ALDH1A3: variants seen among roughly 807,000 people sequenced by gnomAD.
The protein encoded by ALDH1A3 is retinaldehyde dehydrogenase 3.
A neutral mutation model predicts 57.5 loss-of-function variants in ALDH1A3; 28 were observed. The ratio of observed to expected loss-of-function variants is 0.49; its 90% CI spans 0.36 to 0.67. ALDH1A3 has a LOEUF of 0.67. Ranked by LOEUF, ALDH1A3 falls within the 30% of genes least tolerant of loss-of-function variation. The probability of loss-of-function intolerance (pLI) is 0.00; values close to 1 mark genes in which losing one functional copy is unlikely to be tolerated. For missense variants in ALDH1A3, 507 were observed against 669.4 expected, an observed-to-expected ratio of 0.76 and a Z score of 2.68; for synonymous variants, 281 against 264.8, an observed-to-expected ratio of 1.06 and a Z score of -0.59.
At chr15:100,907,848 T>TC (rs2041839363) in intron 11 of ALDH1A3, among the ~76,000 whole-genome samples, 4 of 129,776 alleles carry the variant, frequency 3.1e-5, no homozygotes, top group African/African-American at 1.1e-4. Flanking sequence ...TTCTTTCTTT[T>TC]TTTTTTTTTT....
At position 100,894,404 on chromosome 15, in the gene ALDH1A3, T is replaced by C. The variant is rs1371432415; in HGVS notation, c.666+322T>C. 2 of 253,410 alleles carry C rather than the reference T, an allele frequency of 7.9e-6. No homozygotes were observed. The highest frequency in any genetic ancestry group is 7.7e-6 in the Non-Finnish European group (1 of 130,470). 15.7% of individuals were successfully genotyped at this position (253,410 alleles called of 1,614,324 possible). On this transcript the variant is annotated intron_variant, in intron 6 of 12. Coordinates refer to ENST00000329841, the MANE Select transcript of ALDH1A3 (RefSeq NM_000693.4). The surrounding 1 kb of genome is among the most constrained non-coding windows in gnomAD (Gnocchi z 4.5). The stretch of plus-strand genomic sequence containing the variant: ...AAGAGGGAGCCAAATATTTGGGAGG[T>C]TCTCTGGGATTTGCATTCTCAGTTT...
At chr15:100,905,023 T>C (rs1284842862) in intron 9 of ALDH1A3, among the ~76,000 whole-genome samples, 1 of 152,226 alleles carries the variant, frequency 6.6e-6, no homozygotes, top group African/African-American at 2.4e-5. Flanking sequence ...GGCACCCAGG[T>C]AAACATGAAT....
At chr15:100,910,644 G>A (rs937106916) in intron 12 of ALDH1A3, among the ~76,000 whole-genome samples, 4 of 152,216 alleles carry the variant, frequency 2.6e-5, no homozygotes, top group Non-Finnish European at 4.4e-5. Context: ...CGCAGTGCAG[G>A]ACCTTGCTCA....
At chr15:100,909,075 ACGCG>A in intron 12 of ALDH1A3, among the ~76,000 whole-genome samples, 5 of 142,446 alleles carry the variant, frequency 3.5e-5, no homozygotes, top group African/African-American at 1.3e-4. Context: ...CAAACCCTCC[ACGCG>A]TGCATGTAAA....
intron 2 of ALDH1A3, 133 bp downstream of exon 2, chr15:100,885,504 G>A (rs2041586178): frequency 1.6e-6 from 1 of 633,290 alleles, no homozygotes; most frequent in Non-Finnish European, 2.8e-6. Flanking sequence ...TGCGTGAATT[G>A]GCATGTGGTT....
chr15:100,892,632 C>A lies in ALDH1A3; in HGVS notation c.468C>A (p.Ile156=). The A allele has an allele frequency of 1.2e-6, 2 of 1,610,418 alleles. No individual in the cohort carries two copies. The highest frequency in any genetic ancestry group is 1.3e-5 in the African/African-American group (1 of 74,706). Residue 156 remains isoleucine, a synonymous_variant, in exon 4 of 13, where the codon ATC becomes ATA. Coordinates refer to ENST00000329841, the MANE Select transcript of ALDH1A3 (RefSeq NM_000693.4). ...CAGACAAAATCCAGGGCAAGACCAT[C>A]CCCACAGGTGAGCAAGGTGGATTAT... ...GWADKIQGKT[I]PTDDNVVCFT... is the part of the protein sequence containing the mutation.
In ALDH1A3 at chr15:100,894,171, C is replaced by T. The variant is rs1269814246; in HGVS notation, c.666+89C>T. On this transcript the variant is annotated intron_variant, in intron 6 of 12. Coordinates refer to ENST00000329841, the MANE Select transcript of ALDH1A3 (RefSeq NM_000693.4). This position sits in a 1 kb window ranked among gnomAD's most constrained non-coding sequence, Gnocchi z 4.5. The stretch of plus-strand genomic sequence containing the variant: ...CCACCGTCACGAGATGGGACAGTGG[C>T]AGACTGCTGGCAATCGAGTGGGAAG... 4.0e-6 allele frequency: 6 copies of T among 1,497,408 alleles called. No homozygotes were observed. Among genetic ancestry groups the T allele is most frequent in the Non-Finnish European group, 4.5e-6 (5 of 1,103,018 alleles). 92.8% of individuals were successfully genotyped at this position (1,497,408 alleles called of 1,614,324 possible).
chr15:100,880,094 G>A (rs765194136), intron 1 of ALDH1A3, 88 bp downstream of exon 1: 7 of 1,010,526 alleles, frequency 6.9e-6, no homozygotes, highest in Middle Eastern at 3.5e-4. Flanking sequence ...GGAGCAGCGG[G>A]CCGGGGGTCC....
chr15:100,884,863 C>T (rs997743832), intron 1 of ALDH1A3, among the ~76,000 whole-genome samples: 1 of 152,056 alleles, frequency 6.6e-6, no homozygotes, highest in Non-Finnish European at 1.5e-5. Context: ...AGGCGGACTG[C>T]TTGGGACTTT....
At chr15:100,895,685 C>T (rs918321785) in intron 6 of ALDH1A3, 2 of 527,880 alleles carry the variant, frequency 3.8e-6, no homozygotes, top group Non-Finnish European at 6.8e-6. Context: ...GGGATGGGGT[C>T]CCCCCCCAGA....
chr15:100,886,395 G>A (rs562662574), intron 2 of ALDH1A3, among the ~76,000 whole-genome samples: 136 of 152,304 alleles, frequency 8.9e-4, no homozygotes, highest in African/African-American at 2.9e-3. Flanking sequence ...CTTGCCCTGG[G>A]CCTTGATTTC....
At chr15:100,892,764 TA>T in intron 4 of ALDH1A3, 125 bp downstream of exon 4, 1 of 1,397,752 alleles carries the variant, frequency 7.2e-7, no homozygotes, top group South Asian at 1.4e-5. Context: ...CTCCAAATGG[TA>T]CTGCCAATTC....
chr15:100,885,889 G>A (rs188608412), intron 2 of ALDH1A3, among the ~76,000 whole-genome samples: 1 of 152,148 alleles, frequency 6.6e-6, no homozygotes, highest in Non-Finnish European at 1.5e-5. Context: ...CATGGAAAGC[G>A]GTAACCTTTA....
chr15:100,907,801 C>A (rs1596133899), intron 11 of ALDH1A3, among the ~76,000 whole-genome samples: 1 of 147,696 alleles, frequency 6.8e-6, no homozygotes, highest in East Asian at 2.0e-4. Context: ...AAAGCTAATT[C>A]TTATTCCTCT....
At position 100,894,273 on chromosome 15, in the gene ALDH1A3, A is replaced by C. The variant is rs1191500583; in HGVS notation, c.666+191A>C. 6.2e-6 allele frequency: 4 copies of C among 641,778 alleles called. No homozygotes were observed. The Admixed American group carries it at 1.2e-4, about 19-fold the overall frequency. 39.8% of individuals were successfully genotyped at this position (641,778 alleles called of 1,614,324 possible). On this transcript the variant is annotated intron_variant, in intron 6 of 12. Coordinates refer to ENST00000329841, the MANE Select transcript of ALDH1A3 (RefSeq NM_000693.4). The surrounding 1 kb of genome is among the most constrained non-coding windows in gnomAD (Gnocchi z 4.5). Reference sequence around the variant, plus strand: ...GTGGCCACTGAGCTGGAGAAACTCCATTCCTCCCAGTGGTCCTAATGAGAA... The same window carrying C: ...GTGGCCACTGAGCTGGAGAAACTCCCTTCCTCCCAGTGGTCCTAATGAGAA...
intron 1 of ALDH1A3, among the ~76,000 whole-genome samples, chr15:100,882,040 G>C (rs1012451776): frequency 5.9e-5 from 9 of 152,252 alleles, no homozygotes; most frequent in African/African-American, 2.2e-4. Flanking sequence ...CTGAGGCCCA[G>C]AGTGGGCGAG....
Position 100,911,085 on chromosome 15 carries a change from G to T in ALDH1A3, c.1466+2603G>T, listed in dbSNP as rs866925831. On this transcript the variant is annotated intron_variant, in intron 12 of 12. Coordinates refer to ENST00000329841, the MANE Select transcript of ALDH1A3 (RefSeq NM_000693.4). ...TGAATGTCTGTTTTTTAGGCCCTTG[G>T]CCTATATTTTCTCAAGGCTTTTGAT... 2.4e-4 allele frequency among the ~76,000 whole-genome samples: 36 copies of T among 152,350 alleles called. No homozygotes were observed. In the Middle Eastern group the frequency reaches 0.014, roughly 58 times the overall value.
intron 2 of ALDH1A3, 22 bp downstream of exon 2, chr15:100,885,393 G>A: frequency 6.5e-7 from 1 of 1,545,448 alleles, no homozygotes; most frequent in Non-Finnish European, 8.9e-7. Flanking sequence ...AAATAAATTT[G>A]CTCTAAGTAA....
chr15:100,897,031 T>A (rs1425813318), intron 7 of ALDH1A3, among the ~76,000 whole-genome samples: 1 of 152,236 alleles, frequency 6.6e-6, no homozygotes, highest in Non-Finnish European at 1.5e-5. Flanking sequence ...TATGTGGAAT[T>A]ACTTTTAATG....
Sources: allele counts gnomAD v4.1 joint callset (sites outside exome capture counted in the v4.1 genomes callset), GRCh38; gene constraint gnomAD v4.1.1; non-coding constraint Gnocchi (gnomAD v3.1); transcripts MANE v1.5; gene names NCBI Gene and HGNC (gene_info 2026-07-23, HGNC 2026-07-21).